TCTN1: variants seen among roughly 807,000 people sequenced by gnomAD.
The protein encoded by TCTN1 is tectonic-1.
A neutral mutation model predicts 65.8 loss-of-function variants in TCTN1; 58 were observed. The ratio of observed to expected loss-of-function variants is 0.88; its 90% CI spans 0.71 to 1.10. The LOEUF is 1.10. Ranked by LOEUF, TCTN1 falls within the 50% of genes least tolerant of loss-of-function variation. The probability of loss-of-function intolerance (pLI) is 0.00; values close to 1 mark genes in which losing one functional copy is unlikely to be tolerated. For synonymous variants in TCTN1, 273 were observed against 289.1 expected (o/e 0.94, Z 0.57); for missense variants, 645 against 719.4 (o/e 0.90, Z 1.18).
chr12:110,641,276 G>A (rs2136132903), intron 9 of TCTN1, 127 bp downstream of exon 9: 4 of 1,323,188 alleles, frequency 3.0e-6, no homozygotes, highest in South Asian at 2.5e-5. Flanking sequence ...AGGGCTTTGT[G>A]TAGCCTGTGC....
At chr12:110,635,639 G>A (rs2066518733) in intron 6 of TCTN1, 1 of 152,106 alleles carries the variant, frequency 6.6e-6, no homozygotes, top group Middle Eastern at 3.2e-3. Context: ...AGTGAGACCT[G>A]GTCTCTAACA....
Position 110,614,275 on chromosome 12 carries a change from G to C in TCTN1, c.93G>C (p.Thr31=), listed in dbSNP as rs2064875709. The change falls in exon 1 of 15, where the codon ACG becomes ACC. Residue 31 remains threonine, a synonymous_variant. Coordinates refer to ENST00000397659, the MANE Select transcript of TCTN1 (RefSeq NM_001082538.3). Reference sequence around the variant, plus strand: ...AGACCGATGCCACCCCGGCGGTGACGACAGAGGGCCTCAACTCCACCGAGG... The same window carrying C: ...AGACCGATGCCACCCCGGCGGTGACCACAGAGGGCCTCAACTCCACCGAGG... ...SAQTDATPAV[T]TEGLNSTEAA... 1.9e-6 allele frequency: 3 copies of C among 1,596,362 alleles called. No homozygotes were observed. The highest frequency in any genetic ancestry group is 2.6e-6 in the Non-Finnish European group (3 of 1,172,154).
intron 2 of TCTN1, among the ~76,000 whole-genome samples, chr12:110,620,402 A>G (rs1481852707): frequency 6.6e-6 from 1 of 151,792 alleles, no homozygotes; most frequent in Non-Finnish European, 1.5e-5. Context: ...AGCGAGACTC[A>G]GTCTCAAAAA....
At chr12:110,622,112 G>A (rs771038997) in intron 2 of TCTN1, among the ~76,000 whole-genome samples, 5 of 151,688 alleles carry the variant, frequency 3.3e-5, no homozygotes, top group Non-Finnish European at 7.4e-5. Context: ...ACTCTAGCCC[G>A]GGCAACAAGA....
chr12:110,632,497 A>T lies in TCTN1; in HGVS notation c.650A>T (p.Asp217Val). The change falls in exon 5 of 15, where the codon GAT becomes GTT. Residue 217 changes from aspartate to valine, a missense_variant. By Grantham distance (152) the Asp-to-Val change is radical. Coordinates refer to ENST00000397659, the MANE Select transcript of TCTN1 (RefSeq NM_001082538.3). Reference sequence around the variant, plus strand: ...TATGGGGTTCCTCTGCAGACTTCAGATTCGTTTCTGAGATTTCCTTCGTCC... The same window carrying T: ...TATGGGGTTCCTCTGCAGACTTCAGTTTCGTTTCTGAGATTTCCTTCGTCC... ...YEYGVPLQTS[D>V]SFLRFPSSLT... The T allele has an allele frequency of 6.2e-7, 1 of 1,614,046 alleles. No homozygotes were observed. Among genetic ancestry groups the T allele is most frequent in the Non-Finnish European group, 8.5e-7 (1 of 1,179,960 alleles).
chr12:110,638,495 G>T (rs2066732169), intron 7 of TCTN1, among the ~76,000 whole-genome samples: 1 of 152,236 alleles, frequency 6.6e-6, no homozygotes, highest in African/African-American at 2.4e-5. Flanking sequence ...ATCAGTGAAA[G>T]ATTCCAGGGT....
intron 13 of TCTN1, 81 bp from the exon 14 acceptor site, chr12:110,647,668 G>A (rs1566014906): frequency 6.3e-7 from 1 of 1,597,276 alleles, no homozygotes; most frequent in Admixed American, 1.7e-5. Flanking sequence ...GTTGGGTGAG[G>A]AAGAGAATGA....
Position 110,644,728 on chromosome 12 carries a change from G to T in TCTN1, c.1332-239G>T. On this transcript the variant is annotated intron_variant, in intron 11 of 14. Transcript: ENST00000397659. This position sits in a 1 kb window ranked among gnomAD's most constrained non-coding sequence, Gnocchi z 4.6. ...AAAACTTAAAAAACAAAAAACTGCT[G>T]GTGGGCTGGGTGTGGTGGCTCACTC... 1.8e-6 allele frequency: 1 copy of T among 567,014 alleles called. No homozygotes were observed. Among genetic ancestry groups the T allele is most frequent in the Non-Finnish European group, 3.1e-6 (1 of 319,420 alleles). The allele number at this position is 567,014 out of a possible 1,614,324, so 35.1% of individuals were successfully genotyped here.
chr12:110,645,122 A>G lies in TCTN1; in HGVS notation c.1487A>G (p.Asn496Ser). ...VPIHFITQSF[N>S]RKHFVLQDSC... ...ATCCACTTCATCACCCAGTCATTCAACAGGAAGGTAAAGGGGAGAAGGTAC... is the reference window on the plus strand; with the variant it reads ...ATCCACTTCATCACCCAGTCATTCAGCAGGAAGGTAAAGGGGAGAAGGTAC... The change falls in exon 12 of 15, where the codon AAC (asparagine) becomes AGC (serine). Residue 496 changes from asparagine to serine, a missense_variant. Transcript: ENST00000397659. 6.2e-7 allele frequency: 1 copy of G among 1,614,050 alleles called. No individual in the cohort carries two copies. The highest frequency in any genetic ancestry group is 1.1e-5 in the South Asian group (1 of 91,080).
At chr12:110,634,943 T>C (rs2066461911) in intron 6 of TCTN1, 164 bp downstream of exon 6, 2 of 560,396 alleles carry the variant, frequency 3.6e-6, no homozygotes, top group Non-Finnish European at 6.2e-6. Flanking sequence ...ATCCTTTAAA[T>C]AATTTTTATT....
intron 14 of TCTN1, 105 bp downstream of exon 14, chr12:110,647,998 G>T: frequency 6.5e-7 from 1 of 1,538,446 alleles, no homozygotes; most frequent in Non-Finnish European, 8.8e-7. Flanking sequence ...CTTTTTGAGG[G>T]TCTCGCTTTG....
intron 13 of TCTN1, 136 bp downstream of exon 13, chr12:110,647,472 C>A: frequency 8.0e-7 from 1 of 1,247,216 alleles, no homozygotes; most frequent in Non-Finnish European, 1.1e-6. Flanking sequence ...TTTCAGCAGT[C>A]ATTCTTAGAA....
intron 7 of TCTN1, among the ~76,000 whole-genome samples, chr12:110,637,957 G>A (rs2066692300): frequency 4.6e-5 from 7 of 152,300 alleles, no homozygotes; most frequent in Middle Eastern, 6.8e-3. Flanking sequence ...GGAATGTGAT[G>A]GATGTTACTG....
intron 1 of TCTN1, among the ~76,000 whole-genome samples, chr12:110,614,711 C>A (rs2064915298): frequency 6.6e-6 from 1 of 152,160 alleles, no homozygotes. Flanking sequence ...CAGCCCAAGA[C>A]GAAATTAAGT....
Position 110,640,808 on chromosome 12 carries a change from T to C in TCTN1, c.979-216T>C, listed in dbSNP as rs1396832783. Among the ~76,000 whole-genome samples, 1 of 152,224 alleles carries C rather than the reference T, an allele frequency of 6.6e-6. No individual in the cohort carries two copies. The highest frequency in any genetic ancestry group is 1.5e-5 in the Non-Finnish European group (1 of 68,038). ...TGCATTCTGCTTGGACCAGCTTATG[T>C]GGAACTTCTGTAATTGGGCAGAGTG... On this transcript the variant is annotated intron_variant, in intron 8 of 14. Coordinates refer to ENST00000397659, the MANE Select transcript of TCTN1 (RefSeq NM_001082538.3). The surrounding 1 kb of genome is among the most constrained non-coding windows in gnomAD (Gnocchi z 4.9).
chr12:110,635,078 T>C (rs769646033), intron 6 of TCTN1, among the ~76,000 whole-genome samples: 21 of 152,210 alleles, frequency 1.4e-4, no homozygotes, highest in Non-Finnish European at 2.6e-4. Context: ...TTAGAAATCA[T>C]AAAAACATCT....
chr12:110,629,234 A>G, intron 4 of TCTN1: 1 of 466,334 alleles, frequency 2.1e-6, no homozygotes, highest in Non-Finnish European at 3.8e-6. Flanking sequence ...ACAAAAGCCA[A>G]AATTGACAAA....
chr12:110,625,149 T>G (rs146521527), intron 2 of TCTN1, among the ~76,000 whole-genome samples: 4 of 152,360 alleles, frequency 2.6e-5, no homozygotes, highest in Non-Finnish European at 5.9e-5. Flanking sequence ...TTTATCTAAT[T>G]GATGCTATCA....
chr12:110,645,184 G>A (rs2067216158), intron 12 of TCTN1, 55 bp downstream of exon 12: 4 of 1,606,812 alleles, frequency 2.5e-6, no homozygotes, highest in Non-Finnish European at 3.4e-6. Flanking sequence ...TCCAGGTGGT[G>A]TGATGAAGGC....
Sources: gnomAD v4.1 joint callset for allele counts (sites outside exome capture counted in the v4.1 genomes callset) on GRCh38, gnomAD v4.1.1 for gene constraint, Gnocchi (gnomAD v3.1) non-coding constraint, MANE v1.5 for transcripts, NCBI Gene and HGNC (gene_info 2026-07-23, HGNC 2026-07-21) for gene names.